The following PCNP variants were observed in gnomAD, a reference collection of about 807,000 sequenced individuals.
PCNP encodes PEST proteolytic signal-containing nuclear protein.
In PCNP, 6 loss-of-function variants were observed where a neutral mutation model predicts 21.8. The observed-to-expected ratio is 0.28, with a 90% confidence interval of 0.15 to 0.54. The LOEUF (loss-of-function observed/expected upper bound fraction) is 0.54. PCNP is among the 20% of genes least tolerant of loss of function. The probability of loss-of-function intolerance (pLI) is 0.95; values close to 1 mark genes in which losing one functional copy is unlikely to be tolerated. For missense variants in PCNP, 161 were observed against 215.5 expected (o/e 0.75, Z 1.58); for synonymous variants, 67 against 73.2 (o/e 0.92, Z 0.43).
chr3:101,587,458 A>G (rs370796341), intron 3 of PCNP, among the ~76,000 whole-genome samples: 6 of 152,104 alleles, frequency 3.9e-5, no homozygotes, highest in East Asian at 3.9e-4. Context: ...CACTCATTCT[A>G]TCCATTTGAG....
rs1346219571 is a variant in PCNP at position 101,574,255 on chromosome 3, T to C, written c.40T>C (p.Ser14Pro). Residue 14 changes from serine (S) to proline (P), a missense_variant, in exon 1 of 5, where the codon TCG (serine) becomes CCG (proline). Physicochemically the swap from Ser to Pro is moderately conservative, Grantham distance 74. Around this residue, in one of 4 missense-constraint regions of PCNP, gnomAD observed 43 missense variants for 26.6 expected, o/e 1.62. Coordinates refer to ENST00000265260, the MANE Select transcript of PCNP (RefSeq NM_020357.3). ...GKAGDEKPEK[S>P]QRAGAAGGPE... ...GGCGGGAGACGAGAAGCCTGAAAAGTCGCAGCGAGCTGGAGCCGCCGGAGG... is the reference window on the plus strand; with the variant it reads ...GGCGGGAGACGAGAAGCCTGAAAAGCCGCAGCGAGCTGGAGCCGCCGGAGG... The C allele has an allele frequency of 1.3e-6, 2 of 1,546,364 alleles. No homozygotes were observed. The highest frequency in any genetic ancestry group is 1.7e-6 in the Non-Finnish European group (2 of 1,144,364).
chr3:101,585,253 A>G (rs1361572475), intron 2 of PCNP, among the ~76,000 whole-genome samples, 184 bp from the exon 3 acceptor site: 6 of 152,248 alleles, frequency 3.9e-5, no homozygotes. Flanking sequence ...AAAGTAAAAC[A>G]TACCCACTGA....
At chr3:101,579,475 C>A in intron 1 of PCNP, 1 of 479,186 alleles carries the variant, frequency 2.1e-6, no homozygotes, top group South Asian at 1.7e-5. Context: ...TTCTAAAAAG[C>A]AAAATCCCAC....
At chr3:101,581,890 A>C (rs1368553784) in intron 2 of PCNP, among the ~76,000 whole-genome samples, 1 of 149,860 alleles carries the variant, frequency 6.7e-6, no homozygotes, top group Non-Finnish European at 1.5e-5. Context: ...ACAGGCATGC[A>C]CCACCACGCC....
chr3:101,576,494 T>C (rs1412283479), intron 1 of PCNP: 5 of 1,598,454 alleles, frequency 3.1e-6, no homozygotes, highest in Non-Finnish European at 4.3e-6. Context: ...CAGACTTATT[T>C]CTTCTTGGAC....
chr3:101,585,052 T>G (rs1427300475), intron 2 of PCNP, among the ~76,000 whole-genome samples: 1 of 152,198 alleles, frequency 6.6e-6, no homozygotes, highest in Non-Finnish European at 1.5e-5. Context: ...TTGGATTAAT[T>G]ATGTTTATAG....
At chr3:101,584,596 A>G (rs912954126) in intron 2 of PCNP, among the ~76,000 whole-genome samples, 2 of 151,954 alleles carry the variant, frequency 1.3e-5, no homozygotes, top group South Asian at 4.2e-4. Context: ...AGACAGTCTC[A>G]CTCTGTTACC....
chr3:101,574,669 TAC>T (rs1266814800), intron 1 of PCNP, among the ~76,000 whole-genome samples: 2 of 152,064 alleles, frequency 1.3e-5, no homozygotes, highest in African/African-American at 4.8e-5. Context: ...AGACATAACA[TAC>T]ACACAGTGCG....
chr3:101,585,646 A>G, intron 3 of PCNP, 135 bp downstream of exon 3: 1 of 564,424 alleles, frequency 1.8e-6, no homozygotes. Flanking sequence ...GACATCCATA[A>G]AAACTGGATA....
rs202066957 is a variant in PCNP, at chr3:101,592,613, T to G, written c.411-14T>G. ...ATATAACATTTTAAATAAATTTTCT[T>G]TCTTTTAACACAGGGATACACCAAC... On this transcript the variant is annotated splice_polypyrimidine_tract_variant and intron_variant, in intron 4 of 4. Transcript: ENST00000265260. 7 of 1,576,772 alleles carry G rather than the reference T, an allele frequency of 4.4e-6. No individual in the cohort carries two copies. The highest frequency in any genetic ancestry group is 6.0e-6 in the Non-Finnish European group (7 of 1,166,494).
rs988880962 is a variant in PCNP, at chr3:101,593,717, T to C, written c.*964T>C. 10 of 152,642 alleles carry C rather than the reference T, an allele frequency of 6.6e-5. No homozygotes were observed. The highest frequency in any genetic ancestry group is 3.9e-4 in the Admixed American group (6 of 15,274). The allele number at this position is 152,642 out of a possible 1,614,324, so 9.5% of individuals were successfully genotyped here. On this transcript the variant is annotated 3_prime_UTR_variant, in exon 5 of 5. Transcript: ENST00000265260. ...TCTAAGGATTTAAATTACTAACTTA[T>C]GAACTCCAATTTGAATTGAACTTAA...
chr3:101,589,718 G>A (rs1441661166), intron 3 of PCNP: 1 of 158,980 alleles, frequency 6.3e-6, no homozygotes, highest in Non-Finnish European at 1.4e-5. Context: ...AGCCAGGAAT[G>A]AGCTTTCAAG....
intron 2 of PCNP, among the ~76,000 whole-genome samples, chr3:101,582,181 G>A (rs181131726): frequency 7.9e-5 from 12 of 152,028 alleles, no homozygotes; most frequent in Admixed American, 5.2e-4. Flanking sequence ...AAGACTGGGC[G>A]TGGTGGCTCA....
intron 4 of PCNP, among the ~76,000 whole-genome samples, chr3:101,591,976 T>TA (rs987905120): frequency 6.6e-6 from 1 of 151,988 alleles, no homozygotes; most frequent in African/African-American, 2.4e-5. Context: ...CTCACCGTGT[T>TA]GCTCTGGCTG....
In PCNP at chr3:101,579,894, GAA is replaced by G. The variant is rs1935134731; in HGVS notation, c.170_171del (p.Glu57GlyfsTer20). 1.2e-6 allele frequency: 2 copies of G among 1,613,874 alleles called. No individual in the cohort carries two copies. The highest frequency in any genetic ancestry group is 1.7e-6 in the Non-Finnish European group (2 of 1,179,846). ...CGCTGAGAAGCGATCAGCTGAAGAAGAAGCTGCCGACCTCCCAACAAAGCCTA... is the reference window on the plus strand; with the variant it reads ...CGCTGAGAAGCGATCAGCTGAAGAAGGCTGCCGACCTCCCAACAAAGCCTA... Reference protein sequence around the residue: ...RSAEKRSAEEEAADLPTKPTK... With the variant: ...RSAEKRSAEEXAADLPTKPTK... On this transcript the variant is annotated frameshift_variant, in exon 2 of 5. Coordinates refer to ENST00000265260, the MANE Select transcript of PCNP (RefSeq NM_020357.3). LOFTEE classifies it high-confidence loss of function.
chr3:101,574,300 G>C (rs950061287), intron 1 of PCNP, 21 bp downstream of exon 1: 18 of 1,530,868 alleles, frequency 1.2e-5, no homozygotes, highest in Non-Finnish European at 1.5e-5. Flanking sequence ...CCCCAGCGTC[G>C]TGGGCAGCGT....
chr3:101,580,153 C>T, intron 2 of PCNP, 149 bp downstream of exon 2: 2 of 631,966 alleles, frequency 3.2e-6, no homozygotes, highest in Admixed American at 2.8e-5. Flanking sequence ...ATGATTAGCA[C>T]CCTGTTTAAG....
intron 4 of PCNP, among the ~76,000 whole-genome samples, chr3:101,592,130 A>AGTGTTTTTTGTTTTTTGTTTTTTTGT (rs1354638487): frequency 1.3e-5 from 2 of 151,536 alleles, no homozygotes; most frequent in Non-Finnish European, 2.9e-5. Flanking sequence ...GTGTCTGTAA[A>AGTGTTTTTTGTTTTTTGTTTTTTTGT]GTGTTTTTTG....
At position 101,578,665 on chromosome 3, in the gene PCNP, T is replaced by G. The variant is rs142037263; in HGVS notation, c.65-1125T>G. The stretch of plus-strand genomic sequence containing the variant: ...CTTATTAATCTAGAGACCCCATTAT[T>G]CCAAAACTGTATAGATCTATATCTA... On this transcript the variant is annotated intron_variant, in intron 1 of 4. Transcript: ENST00000265260. Among the ~76,000 whole-genome samples the G allele has an allele frequency of 6.5e-3, 991 of 152,340 alleles. 5 individuals carry two copies. The highest frequency in any genetic ancestry group is 0.023 in the African/African-American group (955 of 41,584).
Sources: gnomAD v4.1 joint callset for allele counts (sites outside exome capture counted in the v4.1 genomes callset) on GRCh38, gnomAD v4.1.1 for gene constraint, gnomAD v4.1.1 regional missense constraint, MANE v1.5 for transcripts, NCBI Gene and HGNC (gene_info 2026-07-23, HGNC 2026-07-21) for gene names.